Variants in MTCL1 observed in about 807,000 individuals in gnomAD.
The protein encoded by MTCL1 is microtubule cross-linking factor 1.
MTCL1 carries 79 observed loss-of-function variants against 141.4 expected under a neutral mutation model. That is an observed-to-expected ratio of 0.56 (90% CI 0.47 to 0.67). The LOEUF (loss-of-function observed/expected upper bound fraction) is 0.67. MTCL1 is among the 30% of genes least tolerant of loss of function. The probability of loss-of-function intolerance (pLI) is 0.00; values close to 1 mark genes in which losing one functional copy is unlikely to be tolerated. For synonymous variants in MTCL1, 914 were observed against 875.8 expected (o/e 1.04, Z -0.77); for missense variants, 2,177 against 2,113.9 (o/e 1.03, Z -0.59).
intron 4 of MTCL1, among the ~76,000 whole-genome samples, chr18:8,725,632 A>G (rs2096203260): frequency 6.6e-6 from 1 of 152,122 alleles, no homozygotes; most frequent in African/African-American, 2.4e-5. Context: ...TGTTGTTGCA[A>G]TTTGGAAAAA....
intron 4 of MTCL1, among the ~76,000 whole-genome samples, chr18:8,746,832 T>C (rs1219396648): frequency 6.6e-6 from 1 of 152,154 alleles, no homozygotes; most frequent in Non-Finnish European, 1.5e-5. Flanking sequence ...CAGTCATGAA[T>C]ATATACCCGA....
chr18:8,803,849 G>T (rs1364661481), intron 10 of MTCL1, among the ~76,000 whole-genome samples: 1 of 152,204 alleles, frequency 6.6e-6, no homozygotes, highest in East Asian at 1.9e-4. Context: ...TGCTTCCAGA[G>T]AAACCAAGTT....
exon 6 of MTCL1, chr18:8,783,910 C>T: frequency 6.2e-7 from 1 of 1,613,456 alleles, no homozygotes; most frequent in Non-Finnish European, 8.5e-7. Flanking sequence ...CCTTCGGTGA[C>T]TCCCTGGAGT....
exon 12 of MTCL1, chr18:8,813,230 G>A: frequency 6.2e-7 from 1 of 1,610,796 alleles, no homozygotes; most frequent in Non-Finnish European, 8.5e-7. Context: ...GGAGGATAGA[G>A]CAGGTAAGGA....
chr18:8,752,169 C>A (rs181738430), intron 4 of MTCL1, among the ~76,000 whole-genome samples: 1 of 152,310 alleles, frequency 6.6e-6, no homozygotes, highest in African/African-American at 2.4e-5. Flanking sequence ...GCCAGGTCAG[C>A]ATTGACTTGC....
intron 7 of MTCL1, 35 bp from the exon 7 acceptor site, chr18:8,792,963 T>C (rs1467734429): frequency 6.2e-7 from 1 of 1,609,898 alleles, no homozygotes; most frequent in South Asian, 1.1e-5. Flanking sequence ...GAGTTCTCAT[T>C]TCCACTAAAC....
intron 12 of MTCL1, among the ~76,000 whole-genome samples, chr18:8,817,091 T>TA (rs1474885254): frequency 6.6e-6 from 1 of 152,164 alleles, no homozygotes; most frequent in Non-Finnish European, 1.5e-5. Flanking sequence ...CCCTCCTCTT[T>TA]AGTCATTCTT....
rs574623713 is a variant in MTCL1, at chr18:8,719,295, G to A, written c.198+647G>A. 4.6e-5 allele frequency among the ~76,000 whole-genome samples: 7 copies of A among 152,250 alleles called. No individual in the cohort carries two copies. In the South Asian group the frequency reaches 1.0e-3, roughly 23 times the overall value. On this transcript the variant is annotated intron_variant, in intron 3 of 16. Coordinates refer to ENST00000359865, the Ensembl canonical transcript of MTCL1. ...TATGCATACTGTTCTCTTTATTGCC[G>A]GAGTACTTGTGAAATCTCATCTAGC...
rs375957985 is a variant in MTCL1 at position 8,730,309 on chromosome 18, G to T, written c.357+9813G>T. On this transcript the variant is annotated intron_variant, in intron 4 of 16. Coordinates refer to ENST00000359865, the Ensembl canonical transcript of MTCL1. ...CACCTCTTTGCCTTTTGGTATGTCT[G>T]TGTCTCTCTACACAGCCCCGTCCTT... is the stretch of plus-strand genomic sequence containing the variant. Among the ~76,000 whole-genome samples the T allele has an allele frequency of 2.6e-5, 4 of 152,224 alleles. No homozygotes were observed. The South Asian group carries it at 8.3e-4, about 32-fold the overall frequency.
chr18:8,776,923 A>C (rs1054238192), intron 4 of MTCL1, among the ~76,000 whole-genome samples: 1 of 152,026 alleles, frequency 6.6e-6, no homozygotes, highest in Non-Finnish European at 1.5e-5. Flanking sequence ...CTCCACACCC[A>C]GCTAAGTTTT....
chr18:8,707,013 T>G, intron 1 of MTCL1: 1 of 349,656 alleles, frequency 2.9e-6, no homozygotes, highest in South Asian at 4.2e-5. Context: ...GAGGCTGTAA[T>G]CGTTTTGGGG....
chr18:8,734,456 C>T (rs1290631320), intron 4 of MTCL1, among the ~76,000 whole-genome samples: 1 of 152,098 alleles, frequency 6.6e-6, no homozygotes, highest in African/African-American at 2.4e-5. Context: ...CCCGTGAAGT[C>T]TCCAGCTTGG....
At chr18:8,741,833 C>G (rs1367866405) in intron 4 of MTCL1, among the ~76,000 whole-genome samples, 6 of 152,294 alleles carry the variant, frequency 3.9e-5, no homozygotes, top group East Asian at 3.9e-4. Context: ...CTTGAAGCAG[C>G]TGGGAGCCAG....
At chr18:8,771,017 CAGG>C (rs1265629182) in intron 4 of MTCL1, among the ~76,000 whole-genome samples, 1 of 152,108 alleles carries the variant, frequency 6.6e-6, no homozygotes, top group Non-Finnish European at 1.5e-5. Context: ...GATGAGTGAA[CAGG>C]AGGAAGGGGG....
intron 4 of MTCL1, among the ~76,000 whole-genome samples, chr18:8,726,727 A>T (rs758740061): frequency 3.3e-5 from 5 of 152,112 alleles, no homozygotes; most frequent in Non-Finnish European, 5.9e-5. Context: ...GCAAGTTAGG[A>T]GGCTTCTCCA....
At chr18:8,775,225 G>A (rs1025569219) in intron 4 of MTCL1, among the ~76,000 whole-genome samples, 1 of 152,096 alleles carries the variant, frequency 6.6e-6, no homozygotes, top group Admixed American at 6.5e-5. Context: ...TTAAAGCTTG[G>A]GAGAGAGCCT....
rs534513607 is a variant in MTCL1, at chr18:8,821,579, A to G, written c.3188+81A>G. ...AAATGTTGTTTTGTCAATGCAGTCT[A>G]TTTTACCACTCTCTTCAAAATGACT... On this transcript the variant is annotated intron_variant, in intron 14 of 16. Transcript: ENST00000359865. 97 of 694,056 alleles carry G rather than the reference A, an allele frequency of 1.4e-4. No homozygotes were observed. In the Middle Eastern group the frequency reaches 1.5e-3, roughly 11 times the overall value. 43.0% of individuals were successfully genotyped at this position (694,056 alleles called of 1,614,324 possible).
intron 4 of MTCL1, among the ~76,000 whole-genome samples, chr18:8,772,251 T>C (rs995374060): frequency 4.6e-5 from 7 of 152,206 alleles, no homozygotes; most frequent in Non-Finnish European, 1.0e-4. Flanking sequence ...CACATATGCA[T>C]AGGCTATATT....
chr18:8,818,388 G>A (rs747432893), intron 12 of MTCL1, among the ~76,000 whole-genome samples: 4 of 151,392 alleles, frequency 2.6e-5, no homozygotes, highest in East Asian at 1.9e-4. Flanking sequence ...CTTTACTTGC[G>A]TTATAGCTAA....
Sources: allele counts gnomAD v4.1 joint callset (sites outside exome capture counted in the v4.1 genomes callset), GRCh38; gene constraint gnomAD v4.1.1; transcripts MANE v1.5; gene names NCBI Gene and HGNC (gene_info 2026-07-23, HGNC 2026-07-21).